Variants in RGL1 observed in about 807,000 individuals in gnomAD.
RGL1 encodes ral guanine nucleotide dissociation stimulator like 1, also known as ral guanine nucleotide dissociation stimulator-like 1.
RGL1 carries 24 observed loss-of-function variants against 95.2 expected under a neutral mutation model. The ratio of observed to expected loss-of-function variants is 0.25; its 90% CI spans 0.18 to 0.35. The LOEUF is 0.35. Ranked by LOEUF, RGL1 falls within the 10% of genes least tolerant of loss-of-function variation. The pLI is 1.00. For missense variants in RGL1, 715 were observed against 936.3 expected, an observed-to-expected ratio of 0.76 and a Z score of 3.08; for synonymous variants, 329 against 344.9, an observed-to-expected ratio of 0.95 and a Z score of 0.51.
intron 4 of RGL1, among the ~76,000 whole-genome samples, chr1:183,878,194 A>ATCTATCTG (rs1283554104): frequency 1.7e-4 from 25 of 148,404 alleles, no homozygotes; most frequent in African/African-American, 4.5e-4. Context: ...CTATCTATCT[A>ATCTATCTG]TCTGTCTATC....
Position 183,926,229 on chromosome 1 carries a change from G to A in RGL1, c.2244G>A (p.Leu748=). 6.2e-7 allele frequency: 1 copy of A among 1,613,942 alleles called. No homozygotes were observed. Among genetic ancestry groups the A allele is most frequent in the Non-Finnish European group, 8.5e-7 (1 of 1,179,896 alleles). ...EQVKLRSRTS[L]TLPRTAKRGC... ...TGAAACTGCGTAGCCGGACCAGCTT[G>A]ACGTTGCCCAGGACAGCTAAACGGG... The change falls in exon 18 of 18, where the codon TTG becomes TTA. Residue 748 remains leucine (L), a synonymous_variant. Coordinates refer to ENST00000360851, the MANE Select transcript of RGL1 (RefSeq NM_001297671.3).
intron 1 of RGL1, among the ~76,000 whole-genome samples, chr1:183,639,029 C>T (rs1288798074): frequency 6.6e-6 from 1 of 152,184 alleles, no homozygotes; most frequent in Non-Finnish European, 1.5e-5. Flanking sequence ...CCTGTAATCC[C>T]AGCACTTTGG....
intron 2 of RGL1, among the ~76,000 whole-genome samples, chr1:183,835,433 G>T (rs865899930): frequency 9.2e-5 from 14 of 152,170 alleles, no homozygotes; most frequent in Admixed American, 3.9e-4. Flanking sequence ...GAACACGAGT[G>T]CTTTCCATGG....
chr1:183,688,125 G>T (rs888175388), intron 1 of RGL1, among the ~76,000 whole-genome samples: 2 of 152,060 alleles, frequency 1.3e-5, no homozygotes, highest in Non-Finnish European at 2.9e-5. Flanking sequence ...CAATTATAAA[G>T]CACAATACAA....
intron 1 of RGL1, among the ~76,000 whole-genome samples, chr1:183,740,513 A>G (rs1487686460): frequency 6.6e-6 from 1 of 152,216 alleles, no homozygotes; most frequent in East Asian, 1.9e-4. Flanking sequence ...ATAGATTTCA[A>G]TTTCCACTTA....
At chr1:183,852,813 A>G (rs925203182) in intron 3 of RGL1, among the ~76,000 whole-genome samples, 7 of 115,148 alleles carry the variant, frequency 6.1e-5, no homozygotes, top group African/African-American at 2.0e-4. Context: ...AAAAAAAATC[A>G]TCTGTTCTCT....
chr1:183,925,634 G>A (rs1432738991), intron 17 of RGL1, among the ~76,000 whole-genome samples: 1 of 152,172 alleles, frequency 6.6e-6, no homozygotes, highest in Non-Finnish European at 1.5e-5. Context: ...AATATTTCAA[G>A]TAGAATTCTG....
At chr1:183,923,034 A>T (rs1669401142) in intron 17 of RGL1, among the ~76,000 whole-genome samples, 1 of 152,238 alleles carries the variant, frequency 6.6e-6, no homozygotes, top group Admixed American at 6.5e-5. Flanking sequence ...AGGCTGGTAG[A>T]AAACTCCTCT....
At chr1:183,872,245 A>G (rs1666223755) in intron 4 of RGL1, among the ~76,000 whole-genome samples, 1 of 152,230 alleles carries the variant, frequency 6.6e-6, no homozygotes, top group South Asian at 2.1e-4. Flanking sequence ...AAGAAGGGAT[A>G]TTAACCATAT....
intron 2 of RGL1, among the ~76,000 whole-genome samples, chr1:183,822,151 T>C (rs888169974): frequency 6.6e-6 from 1 of 152,134 alleles, no homozygotes; most frequent in Non-Finnish European, 1.5e-5. Context: ...CTTGTATTTA[T>C]TCTGACAGTT....
chr1:183,819,744 A>G (rs1192140672), intron 2 of RGL1, among the ~76,000 whole-genome samples: 1 of 151,130 alleles, frequency 6.6e-6, no homozygotes, highest in Non-Finnish European at 1.5e-5. Flanking sequence ...TTTTTTTTAA[A>G]GCAATGCCAT....
chr1:183,839,361 T>G (rs1045753159), intron 2 of RGL1, among the ~76,000 whole-genome samples: 4 of 152,204 alleles, frequency 2.6e-5, no homozygotes, highest in African/African-American at 7.2e-5. Context: ...ACCATTACCT[T>G]TCCAGCCATC....
At chr1:183,907,579 G>A (rs1284350627) in intron 14 of RGL1, among the ~76,000 whole-genome samples, 12 of 152,190 alleles carry the variant, frequency 7.9e-5, no homozygotes, top group Admixed American at 5.9e-4. Flanking sequence ...TGCACTGGCT[G>A]TGCCTGGCCT....
upstream of RGL1, among the ~76,000 whole-genome samples, chr1:183,800,482 T>C (rs768724877): frequency 4.6e-5 from 7 of 152,204 alleles, no homozygotes; most frequent in South Asian, 2.1e-4. Context: ...GTACACCAAA[T>C]ATGGCAACAC....
At chr1:183,891,133 A>G (rs879789401) in intron 8 of RGL1, among the ~76,000 whole-genome samples, 1 of 152,200 alleles carries the variant, frequency 6.6e-6, no homozygotes, top group Non-Finnish European at 1.5e-5. Flanking sequence ...AAATATGAAT[A>G]GCTTAATGGT....
chr1:183,728,786 A>T (rs1208948811), intron 1 of RGL1, among the ~76,000 whole-genome samples: 1 of 152,210 alleles, frequency 6.6e-6, no homozygotes, highest in Non-Finnish European at 1.5e-5. Context: ...CATAGTTTTG[A>T]CACATAGATC....
intron 1 of RGL1, among the ~76,000 whole-genome samples, chr1:183,697,481 G>A (rs966952678): frequency 1.3e-5 from 2 of 152,166 alleles, no homozygotes; most frequent in African/African-American, 4.8e-5. Flanking sequence ...AGTTTGCACG[G>A]AGGAATGGTT....
At position 183,742,343 on chromosome 1, in the gene RGL1, G is replaced by A. The variant is rs79379126; in HGVS notation, c.132+54G>A. The A allele has an allele frequency of 1.2e-3, 1,972 of 1,606,636 alleles. 27 individuals are homozygous for A. The African/African-American group carries it at 0.024, about 20-fold the overall frequency. ...TGAAATGTTGGATTTGTTTATACCT[G>A]AGACCATAATTCTTCGTGTAGCCAG... On this transcript the variant is annotated intron_variant, in intron 2 of 18. Coordinates refer to the RGL1 transcript ENST00000304685.
intron 1 of RGL1, among the ~76,000 whole-genome samples, chr1:183,699,576 G>A (rs2102137350): frequency 6.6e-6 from 1 of 152,224 alleles, no homozygotes; most frequent in African/African-American, 2.4e-5. Context: ...GGCCTAGTCT[G>A]GTTTTCTTTA....
Sources: allele counts gnomAD v4.1 joint callset (sites outside exome capture counted in the v4.1 genomes callset), GRCh38; gene constraint gnomAD v4.1.1; transcripts MANE v1.5; gene names NCBI Gene and HGNC (gene_info 2026-07-23, HGNC 2026-07-21).